DMD: variants seen among roughly 807,000 people sequenced by gnomAD.
DMD encodes dystrophin.
DMD carries 63 observed loss-of-function variants against 330.1 expected under a neutral mutation model. The ratio of observed to expected loss-of-function variants is 0.19; its 90% CI spans 0.16 to 0.24. The LOEUF is 0.24. DMD is among the 10% of genes least tolerant of loss of function. The probability of loss-of-function intolerance (pLI) is 1.00; values close to 1 mark genes in which losing one functional copy is unlikely to be tolerated. For missense variants in DMD, 3,344 were observed against 2,684.1 expected, an observed-to-expected ratio of 1.25 and a Z score of -5.43; for synonymous variants, 1,223 against 959.8, an observed-to-expected ratio of 1.27 and a Z score of -5.07.
chrX:32,516,604 TC>T (rs2045885844), intron 18 of DMD: 1 of 111,737 alleles, frequency 8.9e-6, no homozygotes, highest in Admixed American at 9.5e-5. Context: ...CCTGTGAGAA[TC>T]AGATCAATAA....
intron 44 of DMD, among the ~76,000 whole-genome samples, chrX:32,045,346 G>GT (rs1337978736): frequency 0.027 from 2,592 of 96,206 alleles, 99 homozygotes; most frequent in African/African-American, 0.089. Flanking sequence ...GATCTGTTTT[G>GT]TTTTTTTTTT....
At chrX:31,352,687 C>A (rs777106470) in intron 60 of DMD, among the ~76,000 whole-genome samples, 10 of 111,849 alleles carry the variant, frequency 8.9e-5, no homozygotes, top group African/African-American at 3.2e-4. Flanking sequence ...GGTATGACAG[C>A]GAGAAGAATT....
intron 55 of DMD, among the ~76,000 whole-genome samples, chrX:31,583,209 A>C (rs1188561102): frequency 8.9e-6 from 1 of 112,097 alleles, no homozygotes; most frequent in African/African-American, 3.2e-5. Context: ...AGAGGGGTAC[A>C]TAGGCAGCAT....
chrX:31,857,380 GAAAAAAAAAAAAAAAAA>G (rs57685055), intron 48 of DMD, among the ~76,000 whole-genome samples: 23 of 36,786 alleles, frequency 6.3e-4, no homozygotes, highest in African/African-American at 2.7e-3. Flanking sequence ...CTCCACCTCG[GAAAAAAAAAAAAAAAAA>G]AAAAAAAAAA....
intron 76 of DMD, among the ~76,000 whole-genome samples, chrX:31,145,991 T>G (rs998305026): frequency 1.8e-5 from 2 of 112,357 alleles, no homozygotes; most frequent in Admixed American, 1.9e-4. Flanking sequence ...TAGAATAGTC[T>G]CACAGTCCTC....
At chrX:31,226,793 C>T (rs1447684756) in intron 63 of DMD, among the ~76,000 whole-genome samples, 1 of 111,594 alleles carries the variant, frequency 9.0e-6, no homozygotes, top group Non-Finnish European at 1.9e-5. Flanking sequence ...TGTGGAGTTC[C>T]CTTACACACA....
chrX:31,292,415 C>T (rs1235484681), intron 62 of DMD, among the ~76,000 whole-genome samples: 1 of 112,054 alleles, frequency 8.9e-6, no homozygotes, highest in Admixed American at 9.5e-5. Context: ...TGAGATTCTA[C>T]TCACACACTC....
At chrX:32,383,395 C>T (rs2097938008) in intron 33 of DMD, among the ~76,000 whole-genome samples, 1 of 111,583 alleles carries the variant, frequency 9.0e-6, no homozygotes, top group Admixed American at 9.5e-5. Flanking sequence ...TTCCTTCTTA[C>T]ATAAAAAGAA....
At chrX:31,243,471 G>A (rs1057291448) in intron 63 of DMD, among the ~76,000 whole-genome samples, 3 of 112,107 alleles carry the variant, frequency 2.7e-5, no homozygotes, top group African/African-American at 6.5e-5. Flanking sequence ...ACACAAAAAA[G>A]TGTGTATTAT....
chrX:33,122,220 G>A (rs1458576485), intron 1 of DMD, among the ~76,000 whole-genome samples: 4 of 110,934 alleles, frequency 3.6e-5, no homozygotes, highest in South Asian at 7.4e-4. Flanking sequence ...GTGAGACTCC[G>A]TCTCAAAAAC....
intron 1 of DMD, among the ~76,000 whole-genome samples, chrX:33,115,921 C>T (rs756076749): frequency 8.2e-5 from 9 of 110,334 alleles, no homozygotes; most frequent in Non-Finnish European, 1.7e-4. Flanking sequence ...TGGGTGAGCA[C>T]GGCGGCTCAT....
At chrX:32,590,222 C>A (rs1237816257) in intron 13 of DMD, among the ~76,000 whole-genome samples, 1 of 112,108 alleles carries the variant, frequency 8.9e-6, no homozygotes, top group Non-Finnish European at 1.9e-5. Flanking sequence ...AAAAATTATT[C>A]CTTCAGGCAA....
intron 2 of DMD, among the ~76,000 whole-genome samples, chrX:32,850,112 A>G (rs942833135): frequency 2.7e-5 from 3 of 112,038 alleles, no homozygotes; most frequent in Non-Finnish European, 3.8e-5. Flanking sequence ...AAGGAGAGAA[A>G]AAATACAGGC....
chrX:31,856,280 T>TA (rs1420134762), intron 48 of DMD, among the ~76,000 whole-genome samples: 1 of 111,726 alleles, frequency 9.0e-6, no homozygotes, highest in African/African-American at 3.3e-5. Flanking sequence ...ATGATAAAAT[T>TA]AAAAATGTGA....
intron 1 of DMD, among the ~76,000 whole-genome samples, chrX:33,033,227 A>G (rs140232348): frequency 0.01 from 1,138 of 110,540 alleles, 18 homozygotes; most frequent in African/African-American, 0.035. Context: ...AAGATTCTTA[A>G]TGAAAGACTT....
Position 32,343,162 on chromosome X carries a change from G to C in DMD, c.5711C>G (p.Pro1904Arg). ...DDIEKKLASLPEPRDERKIKE... is the reference protein window; with the variant it reads ...DDIEKKLASLREPRDERKIKE... ...TATTTTCCTTTCATCTCTGGGCTCA[G>C]GTAGGCTGGCTAATTTTTTTTCAAT... Residue 1904 changes from proline (P) to arginine (R), a missense_variant, in exon 40 of 79, where the codon CCT becomes CGT. Physicochemically the swap from Pro to Arg is moderately radical, Grantham distance 103. Transcript: ENST00000357033. 8.3e-7 allele frequency: 1 copy of C among 1,210,709 alleles called. No individual in the cohort carries two copies. The highest frequency in any genetic ancestry group is 1.1e-6 in the Non-Finnish European group (1 of 894,958).
At chrX:31,466,008 C>T (rs1167942212) in intron 59 of DMD, among the ~76,000 whole-genome samples, 2 of 112,118 alleles carry the variant, frequency 1.8e-5, no homozygotes, top group Non-Finnish European at 3.8e-5. Flanking sequence ...TGTTCATATC[C>T]TTTGCCCAAT....
chrX:33,076,552 T>G (rs1358729118), intron 1 of DMD, among the ~76,000 whole-genome samples: 1 of 111,391 alleles, frequency 9.0e-6, no homozygotes, highest in East Asian at 2.8e-4. Context: ...GACTTTAAAT[T>G]TTAAAACTGA....
chrX:31,529,595 T>C lies in DMD; in HGVS notation c.8218-22142A>G, dbSNP rs141851036. 6.9e-3 allele frequency among the ~76,000 whole-genome samples: 762 copies of C among 110,934 alleles called. 5 individuals carry two copies. Among genetic ancestry groups the C allele is most frequent in the African/African-American group, 0.023 (715 of 30,502 alleles). ...AAAAGGTCTGTGACACGACGTTCTC[T>C]TTCTGCCTGGGGTTCACTGCACGCA... On this transcript the variant is annotated intron_variant, in intron 55 of 78. Coordinates refer to ENST00000357033, the MANE Select transcript of DMD (RefSeq NM_004006.3).
Sources: allele counts gnomAD v4.1 joint callset (sites outside exome capture counted in the v4.1 genomes callset), GRCh38; gene constraint gnomAD v4.1.1; transcripts MANE v1.5; gene names NCBI Gene and HGNC (gene_info 2026-07-23, HGNC 2026-07-21).